The following ALCAM variants were observed in gnomAD, a reference collection of about 807,000 sequenced individuals.
ALCAM encodes CD166 antigen.
Under a neutral mutation model 70.9 loss-of-function variants are expected in ALCAM, and 30 were observed. The observed-to-expected ratio is 0.42, with a 90% CI of 0.32 to 0.57. The LOEUF (loss-of-function observed/expected upper bound fraction) is 0.57, where lower values mean the gene tolerates loss of function less well. Among genes scored for constraint, ALCAM ranks in the 20% least tolerant of loss-of-function variants. ALCAM has a pLI of 0.11. For missense variants in ALCAM, 591 were observed against 695.1 expected (o/e 0.85, Z 1.68); for synonymous variants, 249 against 242.5 (o/e 1.03, Z -0.25).
chr3:105,442,264 T>C (rs913310511), intron 1 of ALCAM, among the ~76,000 whole-genome samples: 2 of 152,194 alleles, frequency 1.3e-5, no homozygotes, highest in South Asian at 4.1e-4. Flanking sequence ...AGGGCCCTGT[T>C]ACCTTTTAAA....
chr3:105,446,329 T>C (rs983475001), intron 1 of ALCAM, among the ~76,000 whole-genome samples: 2 of 152,018 alleles, frequency 1.3e-5, no homozygotes, highest in African/African-American at 4.8e-5. Flanking sequence ...AAATAACAAA[T>C]GCTGGCAGAT....
At chr3:105,482,152 G>C (rs1254270887) in intron 1 of ALCAM, among the ~76,000 whole-genome samples, 1 of 151,856 alleles carries the variant, frequency 6.6e-6, no homozygotes, top group Non-Finnish European at 1.5e-5. Context: ...TCACTCTGTC[G>C]CCCACGCTAG....
Position 105,533,588 on chromosome 3 carries a change from C to A in ALCAM, c.460-15C>A, listed in dbSNP as rs1487332271. On this transcript the variant is annotated splice_polypyrimidine_tract_variant and intron_variant, in intron 4 of 15. Coordinates refer to ENST00000306107, the MANE Select transcript of ALCAM (RefSeq NM_001627.4). ...GATTGAACCAAGGTAATAACATTGC[C>A]TTTTTATTTTGCAGTTGGGTGACTG... The A allele has an allele frequency of 1.2e-6, 2 of 1,607,742 alleles. No individual in the cohort carries two copies.
intron 2 of ALCAM, among the ~76,000 whole-genome samples, chr3:105,521,345 A>G (rs1000570442): frequency 2.7e-5 from 4 of 147,726 alleles, no homozygotes; most frequent in African/African-American, 1.0e-4. Context: ...TTATTGCATC[A>G]CTTCTCGGAG....
intron 11 of ALCAM, 31 bp downstream of exon 11, chr3:105,547,554 A>C: frequency 6.3e-7 from 1 of 1,595,224 alleles, no homozygotes; most frequent in Non-Finnish European, 8.5e-7. Context: ...TATATGCTGC[A>C]CTTCGTCCAA....
intron 1 of ALCAM, among the ~76,000 whole-genome samples, chr3:105,497,800 G>T (rs566237109): frequency 4.6e-5 from 7 of 152,100 alleles, no homozygotes; most frequent in Non-Finnish European, 1.0e-4. Flanking sequence ...GGGAGGCCGA[G>T]GCGGGCGGAT....
chr3:105,514,519 T>G (rs750372366), intron 1 of ALCAM, among the ~76,000 whole-genome samples: 2 of 152,004 alleles, frequency 1.3e-5, no homozygotes, highest in Non-Finnish European at 2.9e-5. Context: ...TTTTAAAACT[T>G]TATTGTTTGT....
chr3:105,481,875 T>G (rs142912518), intron 1 of ALCAM, among the ~76,000 whole-genome samples: 3 of 152,182 alleles, frequency 2.0e-5, no homozygotes, highest in Non-Finnish European at 4.4e-5. Flanking sequence ...GGCCAATTCA[T>G]TAAAGATAAA....
At chr3:105,481,226 G>T (rs943570457) in intron 1 of ALCAM, among the ~76,000 whole-genome samples, 2 of 152,032 alleles carry the variant, frequency 1.3e-5, no homozygotes, top group African/African-American at 2.4e-5. Flanking sequence ...ACTAGATTTG[G>T]CTCCTATATA....
chr3:105,573,459 A>G (rs2152636761), intron 15 of ALCAM, among the ~76,000 whole-genome samples: 1 of 152,350 alleles, frequency 6.6e-6, no homozygotes, highest in African/African-American at 2.4e-5. Context: ...GTATACATAT[A>G]CGCATATGCT....
At chr3:105,434,255 C>A (rs1002075413) in intron 1 of ALCAM, among the ~76,000 whole-genome samples, 4 of 152,082 alleles carry the variant, frequency 2.6e-5, no homozygotes, top group Non-Finnish European at 5.9e-5. Context: ...ATTCTGTGAT[C>A]ATTTAGTTTG....
chr3:105,551,152 G>T (rs1195637576), intron 12 of ALCAM, among the ~76,000 whole-genome samples: 1 of 151,474 alleles, frequency 6.6e-6, no homozygotes, highest in Non-Finnish European at 1.5e-5. Flanking sequence ...AAAAAATAAT[G>T]GTCCCTCACA....
At chr3:105,438,188 T>A (rs1039322536) in intron 1 of ALCAM, among the ~76,000 whole-genome samples, 2 of 152,088 alleles carry the variant, frequency 1.3e-5, no homozygotes, top group African/African-American at 4.8e-5. Context: ...TGGAGAATCC[T>A]TAATTTTTCA....
Position 105,367,330 on chromosome 3 carries a change from C to G in ALCAM, c.-79C>G. ...CCCTGCGTCGGGACCCGCCAGCGCG[C>G]GGGCACCGCGGGGCCCGGGACGACG... On this transcript the variant is annotated 5_prime_UTR_variant, in exon 1 of 16. Coordinates refer to ENST00000306107, the MANE Select transcript of ALCAM (RefSeq NM_001627.4). The G allele has an allele frequency of 6.8e-7, 1 of 1,480,416 alleles. No individual in the cohort carries two copies. Among genetic ancestry groups the G allele is most frequent in the Non-Finnish European group, 9.3e-7 (1 of 1,071,972 alleles). 91.7% of individuals were successfully genotyped at this position (1,480,416 alleles called of 1,614,324 possible).
intron 1 of ALCAM, among the ~76,000 whole-genome samples, chr3:105,412,471 A>G (rs1243757011): frequency 6.6e-6 from 1 of 152,170 alleles, no homozygotes; most frequent in Admixed American, 6.6e-5. Context: ...GAATAATTTT[A>G]TACTCAAATC....
chr3:105,400,576 A>T (rs1464059758), intron 1 of ALCAM, among the ~76,000 whole-genome samples: 1 of 152,184 alleles, frequency 6.6e-6, no homozygotes. Flanking sequence ...AATTTTTAAC[A>T]TTTTTTAGTC....
At chr3:105,574,409 A>T (rs1940919500) in intron 15 of ALCAM, 68 bp from the exon 16 acceptor site, 2 of 152,164 alleles carry the variant, frequency 1.3e-5, no homozygotes, top group South Asian at 4.1e-4. Context: ...TTTTAGTACA[A>T]AGTATCTGTT....
At chr3:105,562,323 A>G (rs761894225) in intron 14 of ALCAM, among the ~76,000 whole-genome samples, 3 of 152,212 alleles carry the variant, frequency 2.0e-5, no homozygotes, top group Admixed American at 1.3e-4. Context: ...TAACTTTTTT[A>G]CTATTCCTAG....
At chr3:105,572,691 C>T (rs552182582) in intron 15 of ALCAM, among the ~76,000 whole-genome samples, 2 of 152,298 alleles carry the variant, frequency 1.3e-5, no homozygotes, top group South Asian at 4.1e-4. Context: ...CTAATTTACA[C>T]TCCCACCAAC....
Sources: allele counts gnomAD v4.1 joint callset (sites outside exome capture counted in the v4.1 genomes callset), GRCh38; gene constraint gnomAD v4.1.1; transcripts MANE v1.5; gene names NCBI Gene and HGNC (gene_info 2026-07-23, HGNC 2026-07-21).